Variants in ARID1B observed in about 807,000 individuals in gnomAD.
ARID1B encodes AT-rich interactive domain-containing protein 1B.
ARID1B carries 30 observed loss-of-function variants against 212.3 expected under a neutral mutation model. That is an observed-to-expected ratio of 0.14 (90% CI 0.11 to 0.19). The LOEUF (loss-of-function observed/expected upper bound fraction) is 0.19, where lower values mean the gene tolerates loss of function less well. Among genes scored for constraint, ARID1B ranks in the 10% least tolerant of loss-of-function variants. The probability of loss-of-function intolerance (pLI) is 1.00; values close to 1 mark genes in which losing one functional copy is unlikely to be tolerated. For missense variants in ARID1B, 2,891 were observed against 3,204.0 expected (o/e 0.90, Z 2.36); for synonymous variants, 1,402 against 1,301.7 (o/e 1.08, Z -1.66).
intron 3 of ARID1B, among the ~76,000 whole-genome samples, chr6:156,917,628 T>C (rs921175689): frequency 1.3e-5 from 2 of 152,222 alleles, no homozygotes; most frequent in Non-Finnish European, 2.9e-5. Context: ...TCCTGAGAGA[T>C]ACTGAAGTAG....
intron 2 of ARID1B, among the ~76,000 whole-genome samples, chr6:156,880,047 G>C (rs1239279971): frequency 6.6e-6 from 1 of 152,218 alleles, no homozygotes; most frequent in East Asian, 1.9e-4. Context: ...GAGCCCAGAT[G>C]CCCCCTGATG....
intron 2 of ARID1B, among the ~76,000 whole-genome samples, chr6:156,883,306 C>T (rs1312759095): frequency 1.3e-5 from 2 of 152,114 alleles, no homozygotes; most frequent in African/African-American, 4.8e-5. Flanking sequence ...TCATATAAAC[C>T]TGGCAAAGAG....
intron 19 of ARID1B, chr6:157,205,767 T>C (rs546935517): frequency 1.2e-5 from 2 of 170,100 alleles, no homozygotes; most frequent in East Asian, 1.6e-4. Context: ...CAGAGTCACT[T>C]TGGGCAAAAG....
At chr6:157,060,267 C>G (rs1336669765) in intron 4 of ARID1B, among the ~76,000 whole-genome samples, 1 of 152,094 alleles carries the variant, frequency 6.6e-6, no homozygotes, top group Non-Finnish European at 1.5e-5. Context: ...GAAACCAATA[C>G]GATGGTAAAG....
intron 9 of ARID1B, chr6:157,173,039 C>CGCAGCCCCT (rs1226465691): frequency 6.6e-6 from 1 of 152,252 alleles, no homozygotes; most frequent in Admixed American, 6.5e-5. Flanking sequence ...GTGCCTCACT[C>CGCAGCCCCT]GCAGCCCCTG....
intron 4 of ARID1B, among the ~76,000 whole-genome samples, chr6:157,001,300 G>A (rs556212713): frequency 3.9e-5 from 6 of 152,144 alleles, no homozygotes; most frequent in Non-Finnish European, 5.9e-5. Flanking sequence ...GATCGCTCAC[G>A]AGTAGTGGAG....
At chr6:157,083,499 C>T (rs949149017) in intron 4 of ARID1B, among the ~76,000 whole-genome samples, 1 of 152,184 alleles carries the variant, frequency 6.6e-6, no homozygotes, top group Non-Finnish European at 1.5e-5. Flanking sequence ...TCTGCGTCCT[C>T]TTCTGCTGAG....
At chr6:156,932,096 G>A (rs1262436425) in intron 3 of ARID1B, among the ~76,000 whole-genome samples, 29 of 125,782 alleles carry the variant, frequency 2.3e-4, no homozygotes, top group Non-Finnish European at 3.2e-4. Context: ...AGTGAGCTAT[G>A]ATTAGGCTGA....
At chr6:157,084,958 A>G (rs1229564723) in intron 5 of ARID1B, 53 bp downstream of exon 5, 1 of 1,546,912 alleles carries the variant, frequency 6.5e-7, no homozygotes, top group South Asian at 1.3e-5. Context: ...GAGAGATTTC[A>G]TGTTCATCAA....
chr6:156,804,897 G>A (rs1201140681), intron 1 of ARID1B, among the ~76,000 whole-genome samples: 1 of 148,374 alleles, frequency 6.7e-6, no homozygotes, highest in Non-Finnish European at 1.5e-5. Context: ...AAAGAAATTG[G>A]CCCTTTTTGT....
intron 6 of ARID1B, among the ~76,000 whole-genome samples, chr6:157,114,143 A>G (rs1438039251): frequency 6.6e-6 from 1 of 152,220 alleles, no homozygotes; most frequent in Non-Finnish European, 1.5e-5. Context: ...TTATACTCTT[A>G]CGGTTGATAT....
rs1007149693 is a variant in ARID1B, at chr6:157,189,842, G to A, written c.4058+62G>A. ...CATTTGTTCATCTTTTAGTTTTCTGGGGCAAACTTCACAGAGAGAAGAAAT... is the reference window on the plus strand; with the variant it reads ...CATTTGTTCATCTTTTAGTTTTCTGAGGCAAACTTCACAGAGAGAAGAAAT... On this transcript the variant is annotated intron_variant, in intron 14 of 19. Transcript: ENST00000636930. The A allele has an allele frequency of 4.8e-5, 77 of 1,606,134 alleles. 3 individuals carry two copies. Among genetic ancestry groups the A allele is most frequent in the Non-Finnish European group, 7.6e-6 (9 of 1,176,650 alleles).
intron 3 of ARID1B, among the ~76,000 whole-genome samples, chr6:156,934,507 A>G (rs1792000530): frequency 6.6e-6 from 1 of 152,028 alleles, no homozygotes; most frequent in South Asian, 2.1e-4. Context: ...TTTGTTCCCC[A>G]CTGTTGTTTT....
Position 156,802,888 on chromosome 6 carries a change from TTG to T in ARID1B, c.1791+23421_1791+23422del, listed in dbSNP as rs1479960524. On this transcript the variant is annotated intron_variant, in intron 1 of 19. Transcript: ENST00000636930. ...TTATGAGTATGTAGCTGTGTGTTAT[TTG>T]TGTATGTACACAATATGTTTCACAG... 2.0e-5 allele frequency among the ~76,000 whole-genome samples: 3 copies of T among 152,232 alleles called. No individual in the cohort carries two copies. The East Asian group carries it at 5.8e-4, about 29-fold the overall frequency.
intron 2 of ARID1B, among the ~76,000 whole-genome samples, chr6:156,838,992 A>G (rs1783711448): frequency 6.6e-6 from 1 of 152,122 alleles, no homozygotes; most frequent in South Asian, 2.1e-4. Context: ...AAGGATTTAC[A>G]TCTCTGGAGG....
chr6:157,132,633 G>A (rs1206628992), intron 6 of ARID1B, among the ~76,000 whole-genome samples: 1 of 152,238 alleles, frequency 6.6e-6, no homozygotes, highest in African/African-American at 2.4e-5. Context: ...AGGGAGCAAA[G>A]GCTTGGAGCA....
chr6:156,983,609 A>T (rs550603764), intron 4 of ARID1B, among the ~76,000 whole-genome samples: 1 of 152,144 alleles, frequency 6.6e-6, no homozygotes, highest in East Asian at 1.9e-4. Context: ...TGGTGGGTGA[A>T]GTCTAAGCCT....
intron 3 of ARID1B, among the ~76,000 whole-genome samples, chr6:156,904,389 T>C (rs933467398): frequency 1.3e-5 from 2 of 152,260 alleles, no homozygotes; most frequent in African/African-American, 2.4e-5. Context: ...CCAGTTCTTT[T>C]TGATGGACAT....
chr6:156,778,411 G>A lies in ARID1B; in HGVS notation c.731G>A (p.Gly244Asp), dbSNP rs1371827905. 6.5e-7 allele frequency: 1 copy of A among 1,533,352 alleles called. No individual in the cohort carries two copies. Among genetic ancestry groups the A allele is most frequent in the Admixed American group, 2.0e-5 (1 of 50,798 alleles). 95.0% of individuals were successfully genotyped at this position (1,533,352 alleles called of 1,614,324 possible). A position where few individuals can be genotyped will look rare whatever the true frequency, so the allele number is the denominator to read the frequency against. Residue 244 changes from glycine (G) to aspartate (D), a missense_variant, in exon 1 of 20, where the codon GGC becomes GAC. By Grantham distance (94) the Gly-to-Asp change is moderately conservative (BLOSUM62 -1). Around this residue, in one of 7 missense-constraint regions of ARID1B, gnomAD observed 1,643 missense variants for 1,544.0 expected, o/e 1.06. Transcript: ENST00000636930. Reference protein sequence around the residue: ...GPDMEQPQHGGAKDSAAGGQA... With the variant: ...GPDMEQPQHGDAKDSAAGGQA... ...GACATGGAGCAGCCGCAACATGGAG[G>A]CGCCAAGGACAGTGCTGCGGGCGGC...
Sources: gnomAD v4.1 joint callset for allele counts (sites outside exome capture counted in the v4.1 genomes callset) on GRCh38, gnomAD v4.1.1 for gene constraint, gnomAD v4.1.1 regional missense constraint, MANE v1.5 for transcripts, NCBI Gene and HGNC (gene_info 2026-07-23, HGNC 2026-07-21) for gene names.